The following LCTL variants were observed in gnomAD, a reference collection of about 807,000 sequenced individuals.
LCTL encodes the protein lactase like, also known as lactase-like protein.
LCTL carries 76 observed loss-of-function variants against 75.8 expected under a neutral mutation model. The observed-to-expected ratio is 1.00, with a 90% CI of 0.83 to 1.21. The LOEUF (loss-of-function observed/expected upper bound fraction) is 1.21, where lower values mean the gene tolerates loss of function less well. Among genes scored for constraint, LCTL ranks in the 50% most tolerant of loss-of-function variants. LCTL has a pLI of 0.00. For synonymous variants in LCTL, 271 were observed against 268.8 expected, an observed-to-expected ratio of 1.01 and a Z score of -0.08; for missense variants, 670 against 712.4, an observed-to-expected ratio of 0.94 and a Z score of 0.68.
intron 4 of LCTL, among the ~76,000 whole-genome samples, chr15:66,562,588 CTTT>C (rs34408899): frequency 7.0e-6 from 1 of 142,690 alleles, no homozygotes. Flanking sequence ...GTCGCCAGAT[CTTT>C]TTTTTTTTTT....
At chr15:66,553,349 A>G (rs1895660138) in intron 8 of LCTL, 91 bp from the exon 10 acceptor site, 1 of 1,130,160 alleles carries the variant, frequency 8.8e-7, no homozygotes, top group South Asian at 2.0e-5. Context: ...TCTTGACATA[A>G]ACGGTGGGCT....
chr15:66,565,613 C>G, upstream of LCTL: 1 of 481,594 alleles, frequency 2.1e-6, no homozygotes. Context: ...TGGCTCCTGT[C>G]TGATGGGGGA....
chr15:66,565,489 C>T (rs892544054), exon 1 of LCTL: 9 of 629,190 alleles, frequency 1.4e-5, no homozygotes, highest in South Asian at 4.0e-5. Flanking sequence ...GAAAGGAAGG[C>T]GCTTGATCTG....
chr15:66,561,176 G>T lies in LCTL; in HGVS notation c.609+11C>A, dbSNP rs780421480. 1.5e-5 allele frequency: 25 copies of T among 1,614,186 alleles called. No individual in the cohort carries two copies. Among genetic ancestry groups the T allele is most frequent in the Non-Finnish European group, 1.8e-5 (21 of 1,180,026 alleles). ...GTGTCACATTCTCCCACCTGGAGGG[G>T]CCCTGCTTACCCGAGGATCACTGAA... On this transcript the variant is annotated intron_variant, in intron 5 of 12. Coordinates refer to ENST00000341509, the Ensembl canonical transcript of LCTL.
chr15:66,565,202 G>T, intron 1 of LCTL, 46 bp downstream of exon 2: 1 of 1,308,426 alleles, frequency 7.6e-7, no homozygotes, highest in Non-Finnish European at 1.1e-6. Context: ...AAAGTGGGCA[G>T]GTGGACGACA....
At chr15:66,552,683 A>C (rs997617689) in intron 9 of LCTL, among the ~76,000 whole-genome samples, 10 of 142,718 alleles carry the variant, frequency 7.0e-5, no homozygotes, top group Non-Finnish European at 1.1e-4. Flanking sequence ...AAAAAAAAAA[A>C]AAAAAACATT....
intron 8 of LCTL, among the ~76,000 whole-genome samples, chr15:66,553,989 C>G (rs1047849172): frequency 1.3e-5 from 2 of 151,690 alleles, no homozygotes; most frequent in African/African-American, 4.8e-5. Flanking sequence ...AACCCTGTCT[C>G]TACTAAAAAT....
intron 8 of LCTL, among the ~76,000 whole-genome samples, chr15:66,555,144 CAAATA>C (rs1189192808): frequency 6.6e-6 from 1 of 151,908 alleles, no homozygotes; most frequent in East Asian, 1.9e-4. Context: ...TAGCATAAAG[CAAATA>C]AAATATTGGC....
intron 11 of LCTL, among the ~76,000 whole-genome samples, chr15:66,551,030 A>G (rs1456673376): frequency 6.6e-6 from 1 of 152,028 alleles, no homozygotes; most frequent in South Asian, 2.1e-4. Flanking sequence ...ATGTTGAAGA[A>G]TAGGTAGTAT....
chr15:66,564,311 C>G (rs1469347328), intron 2 of LCTL: 4 of 487,428 alleles, frequency 8.2e-6, no homozygotes, highest in Non-Finnish European at 1.5e-5. Flanking sequence ...TGAGCGGGTC[C>G]CACTCCCTCC....
intron 8 of LCTL, among the ~76,000 whole-genome samples, chr15:66,555,323 G>A (rs1178170407): frequency 6.6e-6 from 1 of 150,472 alleles, no homozygotes; most frequent in Non-Finnish European, 1.5e-5. Flanking sequence ...TTGAGATGGA[G>A]TCTTGCTCCA....
chr15:66,553,173 G>A (rs769350762), exon 9 of LCTL: 16 of 1,611,022 alleles, frequency 9.9e-6, no homozygotes, highest in East Asian at 2.2e-5. Context: ...CCAAGAAATC[G>A]GATGTGCCTT....
In LCTL at chr15:66,562,032, C is replaced by A. The variant is rs180846269; in HGVS notation, c.481-717G>T. Among the ~76,000 whole-genome samples the A allele has an allele frequency of 3.8e-3, 584 of 152,238 alleles. 4 individuals carry two copies. Among genetic ancestry groups the A allele is most frequent in the Non-Finnish European group, 3.2e-3 (221 of 68,006 alleles). ...CCCTCTTTGCCATGCGCCCTCCAAT[C>A]AGAACACCCTTTCCTCCCACCTCCT... On this transcript the variant is annotated intron_variant, in intron 4 of 12. Transcript: ENST00000341509.
At position 66,562,419 on chromosome 15, in the gene LCTL, A is replaced by G. The variant is rs530646905; in HGVS notation, c.480+1097T>C. Among the ~76,000 whole-genome samples, 7 of 151,062 alleles carry G rather than the reference A, an allele frequency of 4.6e-5. No homozygotes were observed. The East Asian group carries it at 1.4e-3, about 29-fold the overall frequency. ...CTCCATCTCAAAAAAAAAAAAAAAC[A>G]AAAGAAAGAAAATATTGCTTGAATC... On this transcript the variant is annotated intron_variant, in intron 4 of 12. Coordinates refer to ENST00000341509, the Ensembl canonical transcript of LCTL.
chr15:66,560,354 C>T (rs1327550407), intron 6 of LCTL, among the ~76,000 whole-genome samples: 3 of 152,114 alleles, frequency 2.0e-5, no homozygotes, highest in African/African-American at 4.8e-5. Flanking sequence ...TGACCCAATT[C>T]CTTCCCCAGC....
At chr15:66,559,779 C>A (rs1460357765) in intron 6 of LCTL, among the ~76,000 whole-genome samples, 2 of 152,118 alleles carry the variant, frequency 1.3e-5, no homozygotes, top group Non-Finnish European at 2.9e-5. Context: ...AAATGACTTC[C>A]ATGTTTAATA....
intron 4 of LCTL, 22 bp from the exon 6 acceptor site, chr15:66,561,337 T>A (rs756918923): frequency 6.2e-7 from 1 of 1,614,186 alleles, no homozygotes; most frequent in African/African-American, 1.3e-5. Flanking sequence ...GAGAAGCAGA[T>A]GCCCCATGAA....
At chr15:66,551,766 A>G (rs1895608987) in exon 11 of LCTL, 2 of 1,612,602 alleles carry the variant, frequency 1.2e-6, no homozygotes, top group African/African-American at 1.3e-5. Flanking sequence ...TCAACATAGT[A>G]GAATCCATAT....
chr15:66,559,330 A>G (rs1163632926), intron 6 of LCTL, among the ~76,000 whole-genome samples: 1 of 152,226 alleles, frequency 6.6e-6, no homozygotes, highest in Non-Finnish European at 1.5e-5. Context: ...TTCTTTCCTT[A>G]TAATTCCTTT....
Sources: allele counts gnomAD v4.1 joint callset (sites outside exome capture counted in the v4.1 genomes callset), GRCh38; gene constraint gnomAD v4.1.1; transcripts MANE v1.5; gene names NCBI Gene and HGNC (gene_info 2026-07-23, HGNC 2026-07-21).